The following VPS13B variants were observed in gnomAD, a reference collection of about 807,000 sequenced individuals.
VPS13B encodes the protein vacuolar protein sorting 13 homolog B.
In VPS13B, 285 loss-of-function variants were observed where a neutral mutation model predicts 426.4. The observed-to-expected ratio is 0.67, with a 90% confidence interval of 0.61 to 0.74. VPS13B has a LOEUF of 0.74. VPS13B is among the 30% of genes least tolerant of loss of function. VPS13B has a pLI of 0.00. For missense variants in VPS13B, 4,537 were observed against 4,782.6 expected (o/e 0.95, Z 1.51); for synonymous variants, 1,676 against 1,676.4 (o/e 1.00, Z 0.01).
chr8:99,192,060 A>G (rs369167054), intron 16 of VPS13B, among the ~76,000 whole-genome samples: 5 of 151,936 alleles, frequency 3.3e-5, no homozygotes, highest in African/African-American at 9.7e-5. Flanking sequence ...TTTTTGTTTT[A>G]TTGTTCTTCT....
At chr8:99,741,278 C>A (rs1256243833) in intron 39 of VPS13B, among the ~76,000 whole-genome samples, 2 of 152,152 alleles carry the variant, frequency 1.3e-5, no homozygotes, top group African/African-American at 2.4e-5. Context: ...AGCTAACTAT[C>A]CTAAATATAT....
Position 99,038,940 on chromosome 8 carries a change from C to G in VPS13B, c.291+374C>G, listed in dbSNP as rs182996609. Reference sequence around the variant, plus strand: ...GACCTCGTGATCTGCCCACCTTGGCCTCCCAAAGTACTGGGATTATAGGCA... The same window carrying G: ...GACCTCGTGATCTGCCCACCTTGGCGTCCCAAAGTACTGGGATTATAGGCA... On this transcript the variant is annotated intron_variant, in intron 3 of 61. Transcript: ENST00000357162. Among the ~76,000 whole-genome samples, 962 of 152,148 alleles carry G rather than the reference C, an allele frequency of 6.3e-3. 8 individuals are homozygous for G. Among genetic ancestry groups the G allele is most frequent in the African/African-American group, 0.022 (903 of 41,512 alleles).
intron 19 of VPS13B, among the ~76,000 whole-genome samples, chr8:99,350,063 A>T (rs1204565429): frequency 6.6e-6 from 1 of 152,210 alleles, no homozygotes; most frequent in Non-Finnish European, 1.5e-5. Context: ...TTGGAAGATC[A>T]CAGAAAACTT....
chr8:99,034,072 T>C (rs911094153), intron 2 of VPS13B, among the ~76,000 whole-genome samples: 13 of 152,192 alleles, frequency 8.5e-5, no homozygotes, highest in African/African-American at 3.1e-4. Flanking sequence ...TTGTTGTAAA[T>C]TGGACATTTT....
At chr8:99,870,028 C>A (rs1380905942) in intron 59 of VPS13B, among the ~76,000 whole-genome samples, 1 of 152,166 alleles carries the variant, frequency 6.6e-6, no homozygotes, top group Admixed American at 6.5e-5. Flanking sequence ...TATATGGATT[C>A]GTGTTTAACA....
chr8:99,744,909 A>G (rs111322600), intron 39 of VPS13B, among the ~76,000 whole-genome samples: 2,674 of 152,198 alleles, frequency 0.018, 73 homozygotes, highest in African/African-American at 0.061. Context: ...AACATGGCAC[A>G]TGTATACATA....
chr8:99,597,673 C>T (rs992807974), intron 33 of VPS13B, among the ~76,000 whole-genome samples: 1 of 151,988 alleles, frequency 6.6e-6, no homozygotes, highest in African/African-American at 2.4e-5. Context: ...GTAAGGATAA[C>T]AAAGTGGACA....
chr8:99,281,516 G>A (rs982070005), intron 19 of VPS13B, among the ~76,000 whole-genome samples: 2 of 152,086 alleles, frequency 1.3e-5, no homozygotes, highest in Admixed American at 6.5e-5. Flanking sequence ...CCTTAACTTC[G>A]GGTTCATCTC....
intron 54 of VPS13B, among the ~76,000 whole-genome samples, chr8:99,844,877 A>G (rs921961914): frequency 3.3e-5 from 5 of 152,192 alleles, no homozygotes; most frequent in Admixed American, 1.3e-4. Flanking sequence ...CAACCTGGCC[A>G]ATTCTTTCCT....
At chr8:99,712,545 G>T (rs1788145) in intron 36 of VPS13B, among the ~76,000 whole-genome samples, 19,802 of 152,014 alleles carry the variant, frequency 0.13, 1,843 homozygotes, top group East Asian at 0.39. Context: ...TGCCTTCATT[G>T]CAGGGCCTCT....
At chr8:99,508,713 C>T (rs894683470) in intron 28 of VPS13B, among the ~76,000 whole-genome samples, 3 of 151,770 alleles carry the variant, frequency 2.0e-5, no homozygotes, top group Admixed American at 6.6e-5. Flanking sequence ...GTAAATTTAT[C>T]GTTAATGTTC....
chr8:99,732,026 C>G (rs1160132138), intron 39 of VPS13B, among the ~76,000 whole-genome samples: 1 of 152,166 alleles, frequency 6.6e-6, no homozygotes, highest in African/African-American at 2.4e-5. Flanking sequence ...ATTTAACATA[C>G]AATTTCAGGA....
chr8:99,264,140 AC>A (rs1818184879), intron 17 of VPS13B, among the ~76,000 whole-genome samples: 1 of 150,416 alleles, frequency 6.6e-6, no homozygotes, highest in Non-Finnish European at 1.5e-5. Context: ...ATTCCCTCAA[AC>A]TCTGACATAA....
At chr8:99,111,337 T>C (rs373825518) in intron 6 of VPS13B, 58 bp downstream of exon 6, 251 of 1,366,678 alleles carry the variant, frequency 1.8e-4, no homozygotes, top group Non-Finnish European at 2.5e-4. Context: ...TTATTGACTC[T>C]TGTGGATGCT....
chr8:99,654,830 G>T (rs1252892668), intron 34 of VPS13B, among the ~76,000 whole-genome samples: 11 of 150,862 alleles, frequency 7.3e-5, no homozygotes, highest in Non-Finnish European at 1.5e-4. Context: ...ACCTTTATTT[G>T]TTCTTGGCTG....
chr8:99,527,381 G>A (rs768409451), intron 30 of VPS13B, among the ~76,000 whole-genome samples: 3 of 152,076 alleles, frequency 2.0e-5, no homozygotes, highest in South Asian at 2.1e-4. Context: ...TGTGCAATGC[G>A]TAGCCCAGGT....
chr8:99,776,209 CAG>C (rs1438340561), intron 40 of VPS13B, among the ~76,000 whole-genome samples: 2 of 152,132 alleles, frequency 1.3e-5, no homozygotes, highest in Non-Finnish European at 2.9e-5. Context: ...AAACTAATAA[CAG>C]AACAAATGGC....
At chr8:99,296,913 T>G (rs944840952) in intron 19 of VPS13B, among the ~76,000 whole-genome samples, 1 of 152,114 alleles carries the variant, frequency 6.6e-6, no homozygotes, top group African/African-American at 2.4e-5. Context: ...GTTCTAATAT[T>G]TATAGATTAC....
Position 99,854,036 on chromosome 8 carries a change from G to T in VPS13B, c.10647G>T (p.Gln3549His). Residue 3549 changes from glutamine to histidine, a missense_variant, in exon 56 of 62, where the codon CAG becomes CAT. Around this residue, in one of 2 missense-constraint regions of VPS13B, gnomAD observed 4,311 missense variants for 4,474.3 expected, o/e 0.96. Transcript: ENST00000357162. ...AGGTGTTGCCCATGCAGGTCACACA[G>T]CACGCCAGGGCCTTGGTGAATCCTG... ...GKQVLPMQVT[Q>H]HARALVNPVK... 6.2e-7 allele frequency: 1 copy of T among 1,614,144 alleles called. No individual in the cohort carries two copies. Among genetic ancestry groups the T allele is most frequent in the Non-Finnish European group, 8.5e-7 (1 of 1,180,018 alleles).
Sources: gnomAD v4.1 joint callset for allele counts (sites outside exome capture counted in the v4.1 genomes callset) on GRCh38, gnomAD v4.1.1 for gene constraint, gnomAD v4.1.1 regional missense constraint, MANE v1.5 for transcripts, NCBI Gene and HGNC (gene_info 2026-07-23, HGNC 2026-07-21) for gene names.